Variants in FNIP1 observed in about 807,000 individuals in gnomAD.
FNIP1 encodes the protein folliculin interacting protein 1, also known as folliculin-interacting protein 1.
FNIP1 carries 40 observed loss-of-function variants against 124.5 expected under a neutral mutation model. The observed-to-expected ratio is 0.32, with a 90% CI of 0.25 to 0.42. The LOEUF is 0.42. FNIP1 is among the 10% of genes least tolerant of loss of function. FNIP1 has a pLI of 1.00. For synonymous variants in FNIP1, 472 were observed against 470.6 expected (o/e 1.00, Z -0.04); for missense variants, 1,176 against 1,403.7 (o/e 0.84, Z 2.59).
intron 15 of FNIP1, among the ~76,000 whole-genome samples, chr5:131,655,752 CAA>C (rs35443566): frequency 2.1e-5 from 3 of 139,802 alleles, no homozygotes; most frequent in African/African-American, 2.7e-5. Context: ...ACTAAAAATA[CAA>C]AAAAAAAAAA....
At chr5:131,745,578 A>T (rs937732716) in intron 1 of FNIP1, among the ~76,000 whole-genome samples, 26 of 152,240 alleles carry the variant, frequency 1.7e-4, no homozygotes, top group Non-Finnish European at 3.2e-4. Context: ...ACAGTTTTTT[A>T]AAAATTTATA....
At chr5:131,717,276 C>T (rs960217876) in intron 5 of FNIP1, among the ~76,000 whole-genome samples, 1 of 151,856 alleles carries the variant, frequency 6.6e-6, no homozygotes, top group Non-Finnish European at 1.5e-5. Context: ...CTGAGAATGA[C>T]GGTTTCCAGC....
chr5:131,795,504 C>T (rs1425010809), intron 1 of FNIP1: 1 of 152,142 alleles, frequency 6.6e-6, no homozygotes, highest in South Asian at 2.1e-4. Flanking sequence ...GAACCTGTTT[C>T]CTATTGTCGC....
At chr5:131,685,297 A>C (rs574485980) in intron 11 of FNIP1, among the ~76,000 whole-genome samples, 22 of 152,210 alleles carry the variant, frequency 1.4e-4, no homozygotes, top group African/African-American at 5.3e-4. Context: ...ACTCCTGCCT[A>C]GGAGTGTTTT....
intron 10 of FNIP1, among the ~76,000 whole-genome samples, chr5:131,701,884 A>G (rs996035566): frequency 6.6e-6 from 1 of 152,218 alleles, no homozygotes; most frequent in African/African-American, 2.4e-5. Context: ...TTTTGTCATC[A>G]GGTACTCATT....
At chr5:131,710,009 G>GAT (rs953158557) in intron 7 of FNIP1, among the ~76,000 whole-genome samples, 1 of 152,100 alleles carries the variant, frequency 6.6e-6, no homozygotes, top group Non-Finnish European at 1.5e-5. Flanking sequence ...TAGAATCCTG[G>GAT]ATATATACAC....
chr5:131,699,049 C>T (rs776166759), intron 10 of FNIP1, 47 bp from the exon 11 acceptor site: 145 of 1,500,276 alleles, frequency 9.7e-5, no homozygotes, highest in Non-Finnish European at 1.2e-4. Context: ...TAATCATGAG[C>T]AAAACATGGA....
intron 17 of FNIP1, 69 bp from the exon 18 acceptor site, chr5:131,644,832 G>T: frequency 6.8e-7 from 1 of 1,463,658 alleles, no homozygotes; most frequent in Non-Finnish European, 9.5e-7. Flanking sequence ...TACAGGCAAT[G>T]ACCACCAACT....
chr5:131,728,159 G>T (rs1292891582), intron 3 of FNIP1, among the ~76,000 whole-genome samples: 2 of 152,010 alleles, frequency 1.3e-5, no homozygotes, highest in Admixed American at 6.6e-5. Context: ...TGTGTCTTGG[G>T]GTTGCTCTTC....
At chr5:131,646,439 C>T (rs543200915) in intron 17 of FNIP1, among the ~76,000 whole-genome samples, 5 of 152,242 alleles carry the variant, frequency 3.3e-5, no homozygotes, top group Admixed American at 3.3e-4. Flanking sequence ...TTTCTTTTCC[C>T]ATCATAAAAG....
chr5:131,770,142 G>A (rs1771579222), intron 1 of FNIP1, among the ~76,000 whole-genome samples: 1 of 152,138 alleles, frequency 6.6e-6, no homozygotes, highest in South Asian at 2.1e-4. Flanking sequence ...ACACATTCCT[G>A]GAAGCCATAG....
chr5:131,770,510 A>G (rs1034413693), intron 1 of FNIP1, among the ~76,000 whole-genome samples: 1 of 152,186 alleles, frequency 6.6e-6, no homozygotes, highest in African/African-American at 2.4e-5. Flanking sequence ...ATGCGTTAAT[A>G]CAATGGGCTA....
At chr5:131,657,569 C>T (rs957033499) in intron 15 of FNIP1, among the ~76,000 whole-genome samples, 50 of 151,560 alleles carry the variant, frequency 3.3e-4, no homozygotes, top group African/African-American at 1.2e-3. Flanking sequence ...CATGACAGTC[C>T]GAAGAATCAC....
chr5:131,782,145 C>A (rs1044905678), intron 1 of FNIP1, among the ~76,000 whole-genome samples: 5 of 151,984 alleles, frequency 3.3e-5, no homozygotes, highest in Non-Finnish European at 7.4e-5. Flanking sequence ...CATGGAGACT[C>A]TGTCTCTTAA....
intron 1 of FNIP1, among the ~76,000 whole-genome samples, chr5:131,752,341 C>A (rs1305841570): frequency 6.6e-6 from 1 of 151,996 alleles, no homozygotes; most frequent in African/African-American, 2.4e-5. Flanking sequence ...CCGCGCCCAG[C>A]CATGAATTTG....
intron 1 of FNIP1, among the ~76,000 whole-genome samples, chr5:131,747,375 A>T (rs1273732090): frequency 6.6e-6 from 1 of 152,210 alleles, no homozygotes; most frequent in African/African-American, 2.4e-5. Context: ...TCTAATCTTT[A>T]GTAAATGTCT....
intron 15 of FNIP1, among the ~76,000 whole-genome samples, chr5:131,667,726 T>TTA (rs1248283141): frequency 1.3e-5 from 2 of 152,266 alleles, no homozygotes; most frequent in Non-Finnish European, 2.9e-5. Flanking sequence ...GCAGCTGGGA[T>TTA]TACAGGCACA....
At chr5:131,668,680 G>C (rs1404104787) in intron 15 of FNIP1, among the ~76,000 whole-genome samples, 1 of 152,056 alleles carries the variant, frequency 6.6e-6, no homozygotes, top group Admixed American at 6.6e-5. Flanking sequence ...GCTAGACTCT[G>C]TCTCAAGAAA....
At chr5:131,662,912 T>C (rs549317347) in intron 15 of FNIP1, among the ~76,000 whole-genome samples, 5 of 152,112 alleles carry the variant, frequency 3.3e-5, no homozygotes, top group African/African-American at 1.2e-4. Context: ...ATGGCTACTT[T>C]TTATATTTTT....
Sources: gnomAD v4.1 joint callset for allele counts (sites outside exome capture counted in the v4.1 genomes callset) on GRCh38, gnomAD v4.1.1 for gene constraint, MANE v1.5 for transcripts, NCBI Gene and HGNC (gene_info 2026-07-23, HGNC 2026-07-21) for gene names.